The following MED27 variants were observed in gnomAD, a reference collection of about 807,000 sequenced individuals.
The protein encoded by MED27 is mediator complex subunit 27.
In MED27, 30 loss-of-function variants were observed where a neutral mutation model predicts 38.2. That is an observed-to-expected ratio of 0.79 (90% confidence interval 0.59 to 1.07). MED27 has a LOEUF of 1.07. MED27 is among the 50% of genes least tolerant of loss of function. The pLI, the probability that MED27 is intolerant of heterozygous loss-of-function variation, is 0.00. For synonymous variants in MED27, 122 were observed against 153.5 expected, an observed-to-expected ratio of 0.79 and a Z score of 1.52; for missense variants, 289 against 397.5, an observed-to-expected ratio of 0.73 and a Z score of 2.32.
chr9:131,876,346 T>G (rs888248017), intron 6 of MED27, among the ~76,000 whole-genome samples: 1 of 152,030 alleles, frequency 6.6e-6, no homozygotes, highest in Non-Finnish European at 1.5e-5. Context: ...CCTCAGAAAG[T>G]CAACAGGATG....
At chr9:131,957,987 G>C (rs1285761896) in intron 3 of MED27, among the ~76,000 whole-genome samples, 1 of 152,016 alleles carries the variant, frequency 6.6e-6, no homozygotes, top group Non-Finnish European at 1.5e-5. Context: ...CAGACTGGGA[G>C]GGGGCAGATG....
chr9:131,973,578 T>G (rs12376689), intron 3 of MED27, among the ~76,000 whole-genome samples: 30,489 of 151,332 alleles, frequency 0.2, 3,503 homozygotes, highest in African/African-American at 0.31. Flanking sequence ...GAGGCAGAGT[T>G]ACCTGGGACT....
intron 3 of MED27, among the ~76,000 whole-genome samples, chr9:131,954,767 G>A (rs538182662): frequency 1.1e-4 from 16 of 152,202 alleles, no homozygotes; most frequent in Non-Finnish European, 1.3e-4. Flanking sequence ...AGGGGTGAAC[G>A]AAACCCATTA....
chr9:131,947,409 T>C (rs945445013), intron 3 of MED27, among the ~76,000 whole-genome samples: 1 of 152,190 alleles, frequency 6.6e-6, no homozygotes, highest in African/African-American at 2.4e-5. Context: ...CACACTGTTA[T>C]TGACATGCCA....
intron 5 of MED27, among the ~76,000 whole-genome samples, chr9:131,887,696 C>T (rs2131492622): frequency 6.6e-6 from 1 of 152,326 alleles, no homozygotes; most frequent in South Asian, 2.1e-4. Context: ...AAGGAGCATT[C>T]TGGAAGCTGC....
chr9:131,860,351 T>C lies in MED27; in HGVS notation c.*187A>G. 3.3e-6 allele frequency: 2 copies of C among 604,892 alleles called. No homozygotes were observed. Among genetic ancestry groups the C allele is most frequent in the Non-Finnish European group, 5.2e-6 (2 of 382,854 alleles). 37.5% of individuals were successfully genotyped at this position (604,892 alleles called of 1,614,324 possible). A position where few individuals can be genotyped will look rare whatever the true frequency, so the allele number is the denominator to read the frequency against. Reference sequence around the variant, plus strand: ...TCAGTCCGCTGGCTAGTGGGAATAATTAGTCCCATCAGCCACAGAGGGAGT... The same window carrying C: ...TCAGTCCGCTGGCTAGTGGGAATAACTAGTCCCATCAGCCACAGAGGGAGT... On this transcript the variant is annotated 3_prime_UTR_variant, in exon 8 of 8. Coordinates refer to ENST00000292035, the MANE Select transcript of MED27 (RefSeq NM_004269.4). This position sits in a 1 kb window ranked among gnomAD's most constrained non-coding sequence, Gnocchi z 5.8.
chr9:131,990,059 C>T (rs983910978), intron 3 of MED27, among the ~76,000 whole-genome samples: 2 of 152,172 alleles, frequency 1.3e-5, no homozygotes, highest in Admixed American at 1.3e-4. Flanking sequence ...ATGGTTCCCC[C>T]GCACACAGAA....
chr9:132,072,956 T>C (rs1833973761), intron 2 of MED27, among the ~76,000 whole-genome samples: 1 of 152,016 alleles, frequency 6.6e-6, no homozygotes, highest in South Asian at 2.1e-4. Context: ...GACTCTCCTC[T>C]TCCCAGACAG....
At chr9:131,986,322 C>T (rs922031035) in intron 3 of MED27, among the ~76,000 whole-genome samples, 2 of 152,010 alleles carry the variant, frequency 1.3e-5, no homozygotes, top group African/African-American at 4.8e-5. Flanking sequence ...AAGTTCCTGT[C>T]CGGGTGTACC....
At chr9:131,882,199 C>A (rs1190677205) in intron 6 of MED27, among the ~76,000 whole-genome samples, 2 of 152,170 alleles carry the variant, frequency 1.3e-5, no homozygotes, top group Non-Finnish European at 2.9e-5. Flanking sequence ...ATCCTAGACG[C>A]CTGTCCTCTG....
intron 2 of MED27, among the ~76,000 whole-genome samples, chr9:132,027,944 G>A (rs898245636): frequency 1.3e-5 from 2 of 152,160 alleles, no homozygotes; most frequent in African/African-American, 2.4e-5. Flanking sequence ...TGCTGGCTGG[G>A]ACCTCATCAA....
chr9:131,892,236 G>A (rs1481797037), intron 5 of MED27, among the ~76,000 whole-genome samples: 1 of 152,052 alleles, frequency 6.6e-6, no homozygotes, highest in Non-Finnish European at 1.5e-5. Flanking sequence ...GGCGATCAGA[G>A]GTGTTTTGGA....
At chr9:131,956,894 TA>T (rs1456471176) in intron 3 of MED27, among the ~76,000 whole-genome samples, 1 of 150,180 alleles carries the variant, frequency 6.7e-6, no homozygotes, top group Non-Finnish European at 1.5e-5. Flanking sequence ...TCTGAACAGA[TA>T]CTTACTTTGT....
At chr9:131,894,992 C>A (rs1829802047) in intron 4 of MED27, among the ~76,000 whole-genome samples, 1 of 152,090 alleles carries the variant, frequency 6.6e-6, no homozygotes, top group Non-Finnish European at 1.5e-5. Context: ...TGTCTGCCTC[C>A]CCTTAGACCT....
At chr9:132,036,988 C>A (rs993274484) in intron 2 of MED27, among the ~76,000 whole-genome samples, 3 of 151,998 alleles carry the variant, frequency 2.0e-5, no homozygotes, top group Non-Finnish European at 2.9e-5. Context: ...GTGACAGCAA[C>A]GGAGAGAAAG....
intron 3 of MED27, among the ~76,000 whole-genome samples, chr9:132,001,702 A>G (rs922746592): frequency 1.3e-5 from 2 of 152,228 alleles, no homozygotes; most frequent in African/African-American, 4.8e-5. Flanking sequence ...TCTAAGTTCT[A>G]AATTCCAGCA....
intron 6 of MED27, among the ~76,000 whole-genome samples, chr9:131,874,640 T>G (rs773490316): frequency 1.3e-5 from 2 of 152,144 alleles, no homozygotes; most frequent in Non-Finnish European, 2.9e-5. Context: ...GAGGGAACTT[T>G]CCAGGGTCCT....
chr9:131,988,660 G>C (rs540976608), intron 3 of MED27, among the ~76,000 whole-genome samples: 18 of 152,196 alleles, frequency 1.2e-4, no homozygotes, highest in African/African-American at 4.3e-4. Context: ...GGGGGGATTG[G>C]GGGAGAGACC....
At chr9:132,071,786 C>T (rs568643256) in intron 2 of MED27, among the ~76,000 whole-genome samples, 23 of 150,978 alleles carry the variant, frequency 1.5e-4, no homozygotes, top group African/African-American at 5.1e-4. Context: ...CGTCCATGAA[C>T]GAGCACACAT....
Sources: gnomAD v4.1 joint callset for allele counts (sites outside exome capture counted in the v4.1 genomes callset) on GRCh38, gnomAD v4.1.1 for gene constraint, Gnocchi (gnomAD v3.1) non-coding constraint, MANE v1.5 for transcripts, NCBI Gene and HGNC (gene_info 2026-07-23, HGNC 2026-07-21) for gene names.